The following FHIT variants were observed in gnomAD, a reference collection of about 807,000 sequenced individuals.
FHIT encodes fragile histidine triad diadenosine triphosphatase, also known as bis(5'-adenosyl)-triphosphatase.
In FHIT, 19 loss-of-function variants were observed where a neutral mutation model predicts 17.9. The ratio of observed to expected loss-of-function variants is 1.06; its 90% CI spans 0.74 to 1.56. The LOEUF (loss-of-function observed/expected upper bound fraction) is 1.56, where lower values mean the gene tolerates loss of function less well. Ranked by LOEUF, FHIT falls within the 40% of genes most tolerant of loss-of-function variation. FHIT has a pLI of 0.00. For missense variants in FHIT, 248 were observed against 189.2 expected, an observed-to-expected ratio of 1.31 and a Z score of -1.82; for synonymous variants, 81 against 69.7, an observed-to-expected ratio of 1.16 and a Z score of -0.81.
intron 2 of FHIT, among the ~76,000 whole-genome samples, chr3:61,064,939 C>A (rs9861400): frequency 2.6e-5 from 4 of 151,916 alleles, no homozygotes; most frequent in African/African-American, 4.8e-5. Flanking sequence ...ATCCAACATC[C>A]CAAGCTCATT....
At chr3:60,984,116 C>T (rs1438408918) in intron 3 of FHIT, among the ~76,000 whole-genome samples, 1 of 152,136 alleles carries the variant, frequency 6.6e-6, no homozygotes, top group Non-Finnish European at 1.5e-5. Context: ...AAAGAGAATG[C>T]CATTCAAATG....
intron 4 of FHIT, among the ~76,000 whole-genome samples, chr3:60,734,154 T>C (rs555155644): frequency 7.1e-6 from 1 of 140,086 alleles, no homozygotes; most frequent in South Asian, 2.5e-4. Flanking sequence ...TTCACTCTCC[T>C]GGGCCTGTGA....
At chr3:60,818,358 G>C (rs1342072091) in intron 4 of FHIT, among the ~76,000 whole-genome samples, 1 of 152,100 alleles carries the variant, frequency 6.6e-6, no homozygotes, top group Non-Finnish European at 1.5e-5. Flanking sequence ...CTTCAATCCT[G>C]TTATAGTTTT....
At chr3:60,460,192 G>A (rs930939622) in intron 5 of FHIT, among the ~76,000 whole-genome samples, 2 of 152,044 alleles carry the variant, frequency 1.3e-5, no homozygotes, top group Non-Finnish European at 2.9e-5. Flanking sequence ...TACCTTTCGG[G>A]GGGCAAATCT....
chr3:60,327,780 G>A (rs1401778964), intron 5 of FHIT, among the ~76,000 whole-genome samples: 1 of 152,148 alleles, frequency 6.6e-6, no homozygotes, highest in Non-Finnish European at 1.5e-5. Flanking sequence ...CTGACTAAAT[G>A]ACCTATATTA....
chr3:60,351,051 A>G (rs1386559444), intron 5 of FHIT, among the ~76,000 whole-genome samples: 1 of 151,936 alleles, frequency 6.6e-6, no homozygotes, highest in Non-Finnish European at 1.5e-5. Flanking sequence ...CCCCAGCCAA[A>G]AGCTATATTG....
chr3:60,069,121 A>C (rs1702647694), intron 5 of FHIT, among the ~76,000 whole-genome samples: 1 of 132,384 alleles, frequency 7.6e-6, no homozygotes, highest in Non-Finnish European at 1.6e-5. Flanking sequence ...AATCAAATCT[A>C]GATAATGTAC....
intron 7 of FHIT, among the ~76,000 whole-genome samples, chr3:59,970,383 T>C (rs569683028): frequency 7.6e-4 from 116 of 152,220 alleles, no homozygotes; most frequent in Non-Finnish European, 1.2e-3. Flanking sequence ...CAGATGTTTA[T>C]TGATTGGTGT....
chr3:60,908,855 T>C (rs1332545328), intron 3 of FHIT, among the ~76,000 whole-genome samples: 1 of 152,136 alleles, frequency 6.6e-6, no homozygotes, highest in African/African-American at 2.4e-5. Context: ...CACTCATTCA[T>C]TTAATGCCTA....
At chr3:60,298,490 G>A (rs1708307672) in intron 5 of FHIT, among the ~76,000 whole-genome samples, 1 of 152,150 alleles carries the variant, frequency 6.6e-6, no homozygotes, top group Admixed American at 6.6e-5. Context: ...TATCACAAAA[G>A]TATTCGATCT....
rs772774632 is a variant in FHIT, at chr3:60,011,359, A to G, written c.279+12T>C. 5.6e-6 allele frequency: 9 copies of G among 1,613,322 alleles called. No homozygotes were observed. In the East Asian group the frequency reaches 6.7e-5, roughly 12 times the overall value. The stretch of plus-strand genomic sequence containing the variant: ...CCTCTTATTAATTTGTATGCACATA[A>G]TAAGCACTCACCTTCACAGTCTGTC... On this transcript the variant is annotated intron_variant, in intron 7 of 9. Coordinates refer to ENST00000492590, the MANE Select transcript of FHIT (RefSeq NM_002012.4).
At chr3:60,283,026 C>T (rs1212497488) in intron 5 of FHIT, among the ~76,000 whole-genome samples, 2 of 152,228 alleles carry the variant, frequency 1.3e-5, no homozygotes, top group Admixed American at 6.5e-5. Context: ...TTAGAGGTAA[C>T]AGATGGCAGA....
At chr3:60,225,910 CCATACCAAAGGG>C (rs1455049175) in intron 5 of FHIT, among the ~76,000 whole-genome samples, 3 of 152,134 alleles carry the variant, frequency 2.0e-5, no homozygotes, top group African/African-American at 7.2e-5. Flanking sequence ...AGGAATGTGA[CCATACCAAAGGG>C]AAAACAGTCA....
At chr3:61,106,851 G>C (rs1227021912) in intron 2 of FHIT, among the ~76,000 whole-genome samples, 1 of 152,042 alleles carries the variant, frequency 6.6e-6, no homozygotes, top group African/African-American at 2.4e-5. Flanking sequence ...AGTAGAGATA[G>C]GGTTTCATCA....
chr3:59,962,183 G>A (rs372988674), intron 7 of FHIT, among the ~76,000 whole-genome samples: 16 of 152,290 alleles, frequency 1.1e-4, no homozygotes, highest in East Asian at 9.7e-4. Context: ...TATTTTTCTT[G>A]AAAGCCAGTT....
intron 3 of FHIT, among the ~76,000 whole-genome samples, chr3:60,922,966 A>G (rs1553768775): frequency 6.6e-6 from 1 of 152,254 alleles, no homozygotes; most frequent in Non-Finnish European, 1.5e-5. Context: ...CATTAAAAAT[A>G]AAAAATCATT....
At chr3:60,124,009 T>TAGAGAGAGAGAGAGAGAGAG (rs1168094593) in intron 5 of FHIT, among the ~76,000 whole-genome samples, 1 of 12,158 alleles carries the variant, frequency 8.2e-5, no homozygotes, top group Non-Finnish European at 1.5e-4. Flanking sequence ...TATATATATA[T>TAGAGAGAGAGAGAGAGAGAG]AGAGAGAGAG....
At chr3:60,295,271 A>G (rs1708156740) in intron 5 of FHIT, among the ~76,000 whole-genome samples, 1 of 152,126 alleles carries the variant, frequency 6.6e-6, no homozygotes, top group South Asian at 2.1e-4. Flanking sequence ...TAAAAAATAG[A>G]TATAAAGGAA....
rs1223828262 is a variant in FHIT, at chr3:60,860,028, G to C, written c.-110-38017C>G. ...CATTGCACTCCAGCCTGGTGAAGAA[G>C]TGGGACTACATCTCAAAAAAACAAA... On this transcript the variant is annotated intron_variant, in intron 3 of 9. Transcript: ENST00000492590. Among the ~76,000 whole-genome samples the C allele has an allele frequency of 4.2e-4, 35 of 83,298 alleles. 1 individual carries two copies. Among genetic ancestry groups the C allele is most frequent in the Non-Finnish European group, 7.4e-5 (3 of 40,436 alleles). The allele number at this position is 83,298 out of a possible 152,430, so 54.6% of individuals were successfully genotyped here.
Sources: allele counts gnomAD v4.1 joint callset (sites outside exome capture counted in the v4.1 genomes callset), GRCh38; gene constraint gnomAD v4.1.1; transcripts MANE v1.5; gene names NCBI Gene and HGNC (gene_info 2026-07-23, HGNC 2026-07-21).